The following SLC25A21 variants were observed in gnomAD, a reference collection of about 807,000 sequenced individuals.
SLC25A21 encodes the protein solute carrier family 25 member 21, also known as mitochondrial 2-oxodicarboxylate carrier.
In SLC25A21, 47 loss-of-function variants were observed where a neutral mutation model predicts 43.8. That is an observed-to-expected ratio of 1.07 (90% CI 0.85 to 1.37). The LOEUF (loss-of-function observed/expected upper bound fraction) is 1.37, where lower values mean the gene tolerates loss of function less well. SLC25A21 is among the 40% of genes most tolerant of loss of function. SLC25A21 has a pLI of 0.00. For synonymous variants in SLC25A21, 131 were observed against 121.3 expected (o/e 1.08, Z -0.52); for missense variants, 352 against 350.2 (o/e 1.00, Z -0.04).
chr14:36,680,389 AAT>A lies in SLC25A21; in HGVS notation c.*267_*268del, dbSNP rs1227100156. The A allele has an allele frequency of 1.1e-5, 12 of 1,073,712 alleles. No individual in the cohort carries two copies. Among genetic ancestry groups the A allele is most frequent in the Non-Finnish European group, 1.4e-5 (12 of 881,994 alleles). The allele number at this position is 1,073,712 out of a possible 1,614,324, so 66.5% of individuals were successfully genotyped here. A position where few individuals can be genotyped will look rare whatever the true frequency, so the allele number is the denominator to read the frequency against. ...AAGTTTCTATTTATTTTATGAAATA[AAT>A]ATATGATTTCTATGCTATTTTTCTA... On this transcript the variant is annotated 3_prime_UTR_variant, in exon 10 of 10. Coordinates refer to ENST00000331299, the MANE Select transcript of SLC25A21 (RefSeq NM_030631.4).
intron 3 of SLC25A21, among the ~76,000 whole-genome samples, chr14:36,801,680 T>A (rs1887873610): frequency 6.6e-6 from 1 of 152,212 alleles, no homozygotes; most frequent in African/African-American, 2.4e-5. Flanking sequence ...ACCAAGAGTC[T>A]CTATAATATT....
intron 1 of SLC25A21, among the ~76,000 whole-genome samples, chr14:37,005,578 C>G (rs947384939): frequency 2.0e-5 from 3 of 152,118 alleles, no homozygotes; most frequent in Admixed American, 2.0e-4. Flanking sequence ...AGTTATCATA[C>G]TTTATAGTTG....
chr14:36,708,744 G>GTTTTTTTTTTT (rs58837881), intron 7 of SLC25A21, among the ~76,000 whole-genome samples: 2 of 108,492 alleles, frequency 1.8e-5, no homozygotes, highest in African/African-American at 3.6e-5. Context: ...GCTAACGTTA[G>GTTTTTTTTTTT]TTTTTTTTTT....
chr14:37,015,991 T>C (rs1298612619), intron 1 of SLC25A21, among the ~76,000 whole-genome samples: 1 of 150,916 alleles, frequency 6.6e-6, no homozygotes, highest in East Asian at 1.9e-4. Context: ...ATTTTGTAGG[T>C]TGCCTGTTCA....
intron 1 of SLC25A21, among the ~76,000 whole-genome samples, chr14:36,961,561 C>T (rs1959493993): frequency 6.6e-6 from 1 of 152,120 alleles, no homozygotes; most frequent in Admixed American, 6.5e-5. Flanking sequence ...CACTTTGGCT[C>T]CAGGCCTGGT....
chr14:36,802,218 G>C (rs1450031241), intron 3 of SLC25A21, among the ~76,000 whole-genome samples: 1 of 152,052 alleles, frequency 6.6e-6, no homozygotes, highest in Non-Finnish European at 1.5e-5. Context: ...AATATGTCCA[G>C]AATAGCTAAG....
intron 2 of SLC25A21, among the ~76,000 whole-genome samples, chr14:36,824,609 C>T (rs1206726068): frequency 3.3e-5 from 5 of 151,976 alleles, no homozygotes. Context: ...AGAAAAAGTG[C>T]CAGTTTGGAG....
chr14:37,026,080 C>T (rs144725450), intron 1 of SLC25A21, among the ~76,000 whole-genome samples: 6 of 152,130 alleles, frequency 3.9e-5, no homozygotes, highest in East Asian at 1.9e-4. Flanking sequence ...AAAGACTAGA[C>T]GTCCTAAAAA....
At chr14:36,909,145 G>C (rs1017231574) in intron 1 of SLC25A21, among the ~76,000 whole-genome samples, 1 of 152,166 alleles carries the variant, frequency 6.6e-6, no homozygotes, top group Admixed American at 6.6e-5. Context: ...GAGAATGGTA[G>C]ATGGTGGTGC....
chr14:37,095,270 C>T (rs1454926978), intron 1 of SLC25A21, among the ~76,000 whole-genome samples: 2 of 152,142 alleles, frequency 1.3e-5, no homozygotes, highest in Non-Finnish European at 2.9e-5. Context: ...GTAATCCTGG[C>T]ACGGTGGGAG....
At chr14:36,711,105 C>G (rs1883838583) in intron 7 of SLC25A21, among the ~76,000 whole-genome samples, 1 of 152,170 alleles carries the variant, frequency 6.6e-6, no homozygotes, top group Non-Finnish European at 1.5e-5. Context: ...TTACTGTCTA[C>G]TATGTGAGCT....
At chr14:36,862,430 TA>T (rs577770487) in intron 2 of SLC25A21, among the ~76,000 whole-genome samples, 179 of 152,178 alleles carry the variant, frequency 1.2e-3, no homozygotes, top group African/African-American at 4.1e-3. Flanking sequence ...TATGCAGCCA[TA>T]AAAAAGAATG....
chr14:36,991,729 T>TA (rs35676196), intron 1 of SLC25A21, among the ~76,000 whole-genome samples: 13,779 of 152,202 alleles, frequency 0.091, 708 homozygotes, highest in African/African-American at 0.13. Flanking sequence ...TCATAACCAA[T>TA]ACACAATACA....
At chr14:36,980,580 G>A (rs186146730) in intron 1 of SLC25A21, among the ~76,000 whole-genome samples, 65 of 152,290 alleles carry the variant, frequency 4.3e-4, no homozygotes, top group African/African-American at 1.4e-3. Context: ...CTCATGCCAT[G>A]GTTATCAGCA....
intron 1 of SLC25A21, among the ~76,000 whole-genome samples, chr14:37,095,191 C>T (rs992510018): frequency 6.6e-6 from 1 of 152,116 alleles, no homozygotes; most frequent in African/African-American, 2.4e-5. Flanking sequence ...AGGTTTGTCA[C>T]ATATGTACTC....
At chr14:36,740,403 T>C (rs966093883) in intron 3 of SLC25A21, among the ~76,000 whole-genome samples, 8 of 152,184 alleles carry the variant, frequency 5.3e-5, no homozygotes, top group Non-Finnish European at 1.2e-4. Flanking sequence ...TAGATTGTGA[T>C]GGTTTATAGA....
intron 1 of SLC25A21, among the ~76,000 whole-genome samples, chr14:36,986,384 T>C (rs373915098): frequency 6.6e-6 from 1 of 152,184 alleles, no homozygotes; most frequent in Non-Finnish European, 1.5e-5. Flanking sequence ...TTCCCCTATA[T>C]GTAACCAGTT....
At chr14:36,870,726 T>G (rs138759113) in intron 2 of SLC25A21, 1 of 152,110 alleles carries the variant, frequency 6.6e-6, no homozygotes, top group Non-Finnish European at 1.5e-5. Context: ...TATTCAGAAA[T>G]GTTGAAGTGA....
At chr14:36,896,773 T>G (rs369691467) in intron 1 of SLC25A21, among the ~76,000 whole-genome samples, 120 of 152,288 alleles carry the variant, frequency 7.9e-4, no homozygotes, top group African/African-American at 2.6e-3. Context: ...GTCTGTAAAG[T>G]ATTTTATTTC....
Sources: gnomAD v4.1 joint callset for allele counts (sites outside exome capture counted in the v4.1 genomes callset) on GRCh38, gnomAD v4.1.1 for gene constraint, MANE v1.5 for transcripts, NCBI Gene and HGNC (gene_info 2026-07-23, HGNC 2026-07-21) for gene names.